The following UGT1A5 variants were observed in gnomAD, a reference collection of about 807,000 sequenced individuals.
UGT1A5 encodes the protein UDP-glucuronosyltransferase 1A5.
In UGT1A5, 29 loss-of-function variants were observed where a neutral mutation model predicts 40.3. The ratio of observed to expected loss-of-function variants is 0.72; its 90% CI spans 0.54 to 0.98. The LOEUF (loss-of-function observed/expected upper bound fraction) is 0.98. Among genes scored for constraint, UGT1A5 ranks in the 50% least tolerant of loss-of-function variants. The pLI is 0.00. For missense variants in UGT1A5, 678 were observed against 677.9 expected (o/e 1.00, Z 0.00); for synonymous variants, 257 against 262.5 (o/e 0.98, Z 0.20).
rs587776764 is a variant in UGT1A5 at position 233,761,152 on chromosome 2, G to C, written c.868-5882G>C. ...CCTTCACCAAAATCCACTATCCCAG[G>C]TGTGTATTGGAGTGGGACTTTTACA... is the stretch of plus-strand genomic sequence containing the variant. On this transcript the variant is annotated intron_variant, in intron 1 of 4. Coordinates refer to ENST00000373414, the MANE Select transcript of UGT1A5 (RefSeq NM_019078.2). The C allele has an allele frequency of 2.5e-6, 4 of 1,614,084 alleles. No homozygotes were observed. The African/African-American group carries it at 4.0e-5, about 16-fold the overall frequency.
intron 1 of UGT1A5, chr2:233,743,295 G>A (rs1319359883): frequency 1.8e-6 from 1 of 548,688 alleles, no homozygotes; most frequent in African/African-American, 2.0e-5. Flanking sequence ...CATTCTCAAT[G>A]ATTCTCTTGG....
chr2:233,768,011 A>C lies in UGT1A5; in HGVS notation c.1087+75A>C, dbSNP rs1159299269. On this transcript the variant is annotated intron_variant, in intron 3 of 4. Coordinates refer to ENST00000373414, the MANE Select transcript of UGT1A5 (RefSeq NM_019078.2). ...AAATGGCTTAAGCACAGCTATTCTA[A>C]AGGATTGTTGAGCTTGAAAATATTA... 8 of 1,613,860 alleles carry C rather than the reference A, an allele frequency of 5.0e-6. No individual in the cohort carries two copies. In the East Asian group the frequency reaches 1.8e-4, roughly 36 times the overall value.
At chr2:233,737,065 T>C (rs1559381236) in intron 1 of UGT1A5, among the ~76,000 whole-genome samples, 1 of 152,236 alleles carries the variant, frequency 6.6e-6, no homozygotes, top group African/African-American at 2.4e-5. Context: ...ACGAGTGCTC[T>C]CTTCAGAGCT....
chr2:233,713,979 T>G lies in UGT1A5; in HGVS notation c.867+121T>G. 2.5e-6 allele frequency: 4 copies of G among 1,594,106 alleles called. No individual in the cohort carries two copies. In the South Asian group the frequency reaches 4.6e-5, roughly 18 times the overall value. On this transcript the variant is annotated intron_variant, in intron 1 of 4. Coordinates refer to ENST00000373414, the MANE Select transcript of UGT1A5 (RefSeq NM_019078.2). ...CCAAAGATTTCATTTCTGCTTCTCATTGTTGTAATAGTCTTCAGTGAGATA... is the reference window on the plus strand; with the variant it reads ...CCAAAGATTTCATTTCTGCTTCTCAGTGTTGTAATAGTCTTCAGTGAGATA...
chr2:233,746,004 G>A (rs1693275700), intron 1 of UGT1A5, among the ~76,000 whole-genome samples: 1 of 151,648 alleles, frequency 6.6e-6, no homozygotes, highest in Non-Finnish European at 1.5e-5. Context: ...GAGAGACAGT[G>A]GTAGAAACAT....
At chr2:233,721,730 G>A (rs1364085120) in intron 1 of UGT1A5, 3 of 416,596 alleles carry the variant, frequency 7.2e-6, no homozygotes, top group Non-Finnish European at 9.6e-6. Context: ...ACTTGGATAA[G>A]CTTAATGATG....
chr2:233,716,908 C>G (rs1308471683), intron 1 of UGT1A5, among the ~76,000 whole-genome samples: 2 of 152,142 alleles, frequency 1.3e-5, no homozygotes, highest in Non-Finnish European at 2.9e-5. Context: ...TCTCCAGACC[C>G]TGGAAGCTGA....
At chr2:233,761,658 A>C (rs1473319616) in intron 1 of UGT1A5, among the ~76,000 whole-genome samples, 1 of 152,256 alleles carries the variant, frequency 6.6e-6, no homozygotes, top group African/African-American at 2.4e-5. Context: ...TAATGAGTGA[A>C]TCACCAGACA....
At chr2:233,747,694 T>C in intron 1 of UGT1A5, 1 of 1,611,670 alleles carries the variant, frequency 6.2e-7, no homozygotes, top group Non-Finnish European at 8.5e-7. Context: ...GGGGCAGTGC[T>C]GGCTAAGTAC....
intron 1 of UGT1A5, chr2:233,730,140 A>G (rs1239984500): frequency 2.3e-5 from 35 of 1,523,880 alleles, no homozygotes; most frequent in Non-Finnish European, 2.7e-5. Flanking sequence ...TCAGTGAGAT[A>G]AACTGTTAAG....
intron 1 of UGT1A5, chr2:233,743,981 G>GC: frequency 1.5e-6 from 2 of 1,297,888 alleles, no homozygotes; most frequent in Non-Finnish European, 2.0e-6. Flanking sequence ...CAGCACCCAG[G>GC]CGCAGGCCCG....
chr2:233,745,338 A>T lies in UGT1A5; in HGVS notation c.868-21696A>T, dbSNP rs565612187. Among the ~76,000 whole-genome samples, 7 of 151,968 alleles carry T rather than the reference A, an allele frequency of 4.6e-5. No individual in the cohort carries two copies. The East Asian group carries it at 1.2e-3, about 25-fold the overall frequency. ...CCACTAGAACTGCTATATCATGACC[A>T]TGAATTTTGGGGGAATTTTTTTGAG... On this transcript the variant is annotated intron_variant, in intron 1 of 4. Transcript: ENST00000373414.
intron 1 of UGT1A5, chr2:233,721,813 G>C: frequency 1.9e-6 from 1 of 515,244 alleles, no homozygotes; most frequent in South Asian, 1.4e-5. Context: ...CAAAAATCCA[G>C]CACCCTATTT....
chr2:233,724,340 A>ACC (rs1221376110), intron 1 of UGT1A5, among the ~76,000 whole-genome samples: 3 of 104,180 alleles, frequency 2.9e-5, no homozygotes, highest in East Asian at 3.0e-4. Flanking sequence ...CGGGGGGCTG[A>ACC]CCCCCCCCAC....
intron 1 of UGT1A5, chr2:233,729,704 A>T (rs759605345): frequency 1.2e-6 from 2 of 1,613,894 alleles, no homozygotes; most frequent in Non-Finnish European, 1.7e-6. Context: ...CCTTCCTCCT[A>T]TATTCCTAGA....
chr2:233,771,872 A>G (rs1206206288), intron 4 of UGT1A5, among the ~76,000 whole-genome samples: 1 of 140,570 alleles, frequency 7.1e-6, no homozygotes, highest in East Asian at 2.2e-4. Flanking sequence ...AACATTTATT[A>G]AGAATAAGTT....
At chr2:233,764,688 C>G (rs530219647) in intron 1 of UGT1A5, among the ~76,000 whole-genome samples, 2 of 152,144 alleles carry the variant, frequency 1.3e-5, no homozygotes, top group Non-Finnish European at 2.9e-5. Context: ...ACTTGAAGAG[C>G]ACTTGGAAAT....
At chr2:233,727,495 T>C (rs1362893443) in intron 1 of UGT1A5, among the ~76,000 whole-genome samples, 1 of 152,152 alleles carries the variant, frequency 6.6e-6, no homozygotes, top group African/African-American at 2.4e-5. Flanking sequence ...AGGTAGAACA[T>C]GGGAGCCCAT....
intron 1 of UGT1A5, chr2:233,743,074 A>G: frequency 2.9e-6 from 1 of 345,076 alleles, no homozygotes; most frequent in East Asian, 7.5e-5. Context: ...AGGTGTTGGC[A>G]TGAAGTGTTT....
Sources: allele counts gnomAD v4.1 joint callset (sites outside exome capture counted in the v4.1 genomes callset), GRCh38; gene constraint gnomAD v4.1.1; transcripts MANE v1.5; gene names NCBI Gene and HGNC (gene_info 2026-07-23, HGNC 2026-07-21).